Variants in RAB3B observed in about 807,000 individuals in gnomAD.
The protein encoded by RAB3B is RAB3B, member RAS oncogene family, also known as ras-related protein Rab-3B.
A neutral mutation model predicts 20.5 loss-of-function variants in RAB3B; 11 were observed. The ratio of observed to expected loss-of-function variants is 0.54; its 90% CI spans 0.34 to 0.89. The LOEUF is 0.89. Among genes scored for constraint, RAB3B ranks in the 40% least tolerant of loss-of-function variants. RAB3B has a pLI of 0.02. For missense variants in RAB3B, 225 were observed against 280.9 expected (o/e 0.80, Z 1.42); for synonymous variants, 99 against 106.3 (o/e 0.93, Z 0.42).
At chr1:51,937,505 T>A (rs1231387641) in intron 2 of RAB3B, 93 bp from the exon 3 acceptor site, 4 of 827,316 alleles carry the variant, frequency 4.8e-6, no homozygotes, top group Non-Finnish European at 7.2e-6. Flanking sequence ...CCAAGACATT[T>A]TTTTTTTTTG....
intron 2 of RAB3B, among the ~76,000 whole-genome samples, chr1:51,971,439 T>TG (rs1419502540): frequency 6.6e-6 from 1 of 150,544 alleles, no homozygotes. Flanking sequence ...TTCTTTTCTT[T>TG]TTTTTTTTTT....
At chr1:51,963,597 CCA>C (rs1437265919) in intron 2 of RAB3B, among the ~76,000 whole-genome samples, 1 of 152,144 alleles carries the variant, frequency 6.6e-6, no homozygotes, top group African/African-American at 2.4e-5. Context: ...AATTACATTT[CCA>C]CAGTCTATTC....
At chr1:51,977,753 G>A (rs939738331) in intron 1 of RAB3B, among the ~76,000 whole-genome samples, 1 of 152,154 alleles carries the variant, frequency 6.6e-6, no homozygotes, top group Non-Finnish European at 1.5e-5. Flanking sequence ...AGGGAGCCAT[G>A]ATCATGCCAC....
At position 51,930,965 on chromosome 1, in the gene RAB3B, C is replaced by T. The variant is rs149128328; in HGVS notation, c.472+2353G>A. ...CCGGGAGGCAGAGGTTGCAGTAAGC[C>T]GAGATCGCCCCACTGCACTCCAGCC... On this transcript the variant is annotated intron_variant, in intron 4 of 4. Coordinates refer to ENST00000371655, the MANE Select transcript of RAB3B (RefSeq NM_002867.4). 7.3e-3 allele frequency among the ~76,000 whole-genome samples: 1,115 copies of T among 151,804 alleles called. 27 individuals carry two copies. In the South Asian group the frequency reaches 0.093, roughly 13 times the overall value.
intron 2 of RAB3B, among the ~76,000 whole-genome samples, chr1:51,955,368 C>T (rs1156241800): frequency 2.0e-5 from 3 of 152,158 alleles, no homozygotes; most frequent in South Asian, 2.1e-4. Flanking sequence ...CTTGGCTTGG[C>T]ACCTGGCCCA....
At chr1:51,939,749 TA>T (rs1308786971) in intron 2 of RAB3B, among the ~76,000 whole-genome samples, 1 of 152,136 alleles carries the variant, frequency 6.6e-6, no homozygotes, top group Non-Finnish European at 1.5e-5. Flanking sequence ...TAATTTTTTT[TA>T]CTTTTGTAGA....
chr1:51,983,247 G>C (rs1052335731), intron 1 of RAB3B, among the ~76,000 whole-genome samples: 2 of 151,784 alleles, frequency 1.3e-5, no homozygotes, highest in Non-Finnish European at 2.9e-5. Flanking sequence ...CCAGCTACTC[G>C]GGAGGCTGAG....
intron 2 of RAB3B, among the ~76,000 whole-genome samples, chr1:51,963,786 G>A (rs1684813159): frequency 6.6e-6 from 1 of 152,036 alleles, no homozygotes. Flanking sequence ...TTTCTCCCCT[G>A]GGAATGTAGG....
intron 3 of RAB3B, 79 bp downstream of exon 3, chr1:51,937,215 G>T: frequency 1.8e-6 from 2 of 1,140,948 alleles, no homozygotes; most frequent in Non-Finnish European, 2.6e-6. Flanking sequence ...GGCTTCCCCA[G>T]CACACAATAC....
chr1:51,935,642 C>G (rs1684388487), intron 3 of RAB3B, among the ~76,000 whole-genome samples: 2 of 152,026 alleles, frequency 1.3e-5, no homozygotes, highest in African/African-American at 4.8e-5. Context: ...GCAGAATGAA[C>G]AGAGACTGAG....
chr1:51,958,495 G>A (rs549958446), intron 2 of RAB3B, among the ~76,000 whole-genome samples: 4 of 152,150 alleles, frequency 2.6e-5, no homozygotes, highest in South Asian at 4.1e-4. Flanking sequence ...AGGCCGAGGT[G>A]GGCAGATCAC....
intron 1 of RAB3B, among the ~76,000 whole-genome samples, chr1:51,983,303 T>C (rs999644871): frequency 1.2e-4 from 18 of 152,076 alleles, no homozygotes; most frequent in African/African-American, 3.1e-4. Flanking sequence ...GCTTGGGTGA[T>C]AGAGCCAGAC....
intron 4 of RAB3B, among the ~76,000 whole-genome samples, chr1:51,927,012 C>A (rs1684253789): frequency 6.6e-6 from 1 of 152,284 alleles, no homozygotes; most frequent in Non-Finnish European, 1.5e-5. Flanking sequence ...CTAGAAGTGA[C>A]AACAAAGGTC....
chr1:51,907,983 T>C lies in RAB3B; in HGVS notation c.*11944A>G, dbSNP rs1291450666. ...CAATTCAGAAGAACTTTAATGCATA[T>C]ACCATCATTGCCACTATAATAGAGA... On this transcript the variant is annotated 3_prime_UTR_variant, in exon 5 of 5. Transcript: ENST00000371655. 1 of 152,146 alleles carries C rather than the reference T, an allele frequency of 6.6e-6. No individual in the cohort carries two copies. The highest frequency in any genetic ancestry group is 2.4e-5 in the African/African-American group (1 of 41,440). The allele number at this position is 152,146 out of a possible 1,614,324, so 9.4% of individuals were successfully genotyped here. A position where few individuals can be genotyped will look rare whatever the true frequency, so the allele number is the denominator to read the frequency against.
At chr1:51,963,452 C>T (rs1305372836) in intron 2 of RAB3B, among the ~76,000 whole-genome samples, 2 of 152,096 alleles carry the variant, frequency 1.3e-5, no homozygotes, top group Non-Finnish European at 2.9e-5. Context: ...AACTCTTTGC[C>T]TATTCTATGC....
At chr1:51,974,943 G>C (rs983429367) in intron 2 of RAB3B, among the ~76,000 whole-genome samples, 2 of 152,258 alleles carry the variant, frequency 1.3e-5, no homozygotes, top group African/African-American at 2.4e-5. Context: ...GCTGGGCGTG[G>C]TGGCTCACGC....
chr1:51,919,540 G>A lies in RAB3B; in HGVS notation c.*387C>T, dbSNP rs535454582. 156 of 165,508 alleles carry A rather than the reference G, an allele frequency of 9.4e-4. No individual in the cohort carries two copies. The highest frequency in any genetic ancestry group is 3.5e-3 in the African/African-American group (146 of 42,120). 10.3% of individuals were successfully genotyped at this position (165,508 alleles called of 1,614,324 possible). On this transcript the variant is annotated 3_prime_UTR_variant, in exon 5 of 5. Coordinates refer to ENST00000371655, the MANE Select transcript of RAB3B (RefSeq NM_002867.4). ...CTTTAACAGGATTAGCTATGCAGGC[G>A]AGCCTCACTTTACGCAATTGGCATG...
At chr1:51,924,120 G>A (rs1441166101) in intron 4 of RAB3B, among the ~76,000 whole-genome samples, 1 of 152,112 alleles carries the variant, frequency 6.6e-6, no homozygotes, top group African/African-American at 2.4e-5. Context: ...TAAGGAGGTG[G>A]GAATGAGCAA....
At chr1:51,965,678 A>G (rs1308247200) in intron 2 of RAB3B, among the ~76,000 whole-genome samples, 1 of 152,114 alleles carries the variant, frequency 6.6e-6, no homozygotes, top group Non-Finnish European at 1.5e-5. Context: ...TTTATGGTAT[A>G]TAAGGTATAT....
Sources: gnomAD v4.1 joint callset for allele counts (sites outside exome capture counted in the v4.1 genomes callset) on GRCh38, gnomAD v4.1.1 for gene constraint, MANE v1.5 for transcripts, NCBI Gene and HGNC (gene_info 2026-07-23, HGNC 2026-07-21) for gene names.